NELL1: variants seen among roughly 807,000 people sequenced by gnomAD.
The protein encoded by NELL1 is neural EGFL like 1.
A neutral mutation model predicts 107.4 loss-of-function variants in NELL1; 76 were observed. That is an observed-to-expected ratio of 0.71 (90% CI 0.59 to 0.86). NELL1 has a LOEUF of 0.86. NELL1 is among the 40% of genes least tolerant of loss of function. The probability of loss-of-function intolerance (pLI) is 0.00; values close to 1 mark genes in which losing one functional copy is unlikely to be tolerated. For synonymous variants in NELL1, 353 were observed against 341.2 expected, an observed-to-expected ratio of 1.03 and a Z score of -0.38; for missense variants, 1,024 against 1,005.5, an observed-to-expected ratio of 1.02 and a Z score of -0.25.
rs888028572 is a variant in NELL1 at position 21,136,650 on chromosome 11, G to A, written c.1426+22936G>A. On this transcript the variant is annotated intron_variant, in intron 13 of 19. Coordinates refer to ENST00000357134, the MANE Select transcript of NELL1 (RefSeq NM_006157.5). ...TCATTTGCAAATAATTTGCTACACT[G>A]TATTACTATCTCTAAGTGCAAAAGA... Among the ~76,000 whole-genome samples the A allele has an allele frequency of 2.6e-5, 4 of 152,138 alleles. No individual in the cohort carries two copies. The East Asian group carries it at 7.7e-4, about 29-fold the overall frequency.
At chr11:21,054,128 A>G (rs2134351864) in intron 12 of NELL1, among the ~76,000 whole-genome samples, 1 of 152,298 alleles carries the variant, frequency 6.6e-6, no homozygotes, top group East Asian at 1.9e-4. Context: ...ACCATAGTTA[A>G]CATTTTGATT....
At chr11:21,320,922 G>T (rs1486265377) in intron 14 of NELL1, among the ~76,000 whole-genome samples, 1 of 152,152 alleles carries the variant, frequency 6.6e-6, no homozygotes, top group Non-Finnish European at 1.5e-5. Flanking sequence ...CATTAAGAAA[G>T]AAATGAGAAT....
intron 15 of NELL1, among the ~76,000 whole-genome samples, chr11:21,378,075 C>T (rs1016958297): frequency 1.3e-5 from 2 of 151,814 alleles, no homozygotes; most frequent in East Asian, 1.9e-4. Context: ...TCACCTTAAA[C>T]CTTTGTCGTT....
intron 14 of NELL1, among the ~76,000 whole-genome samples, chr11:21,267,516 A>T (rs1016841343): frequency 1.3e-5 from 2 of 152,042 alleles, no homozygotes; most frequent in Admixed American, 1.3e-4. Flanking sequence ...TGCGAGTATG[A>T]TCTATAAAAA....
chr11:21,565,225 A>C (rs1468581335), intron 17 of NELL1, among the ~76,000 whole-genome samples: 1 of 151,944 alleles, frequency 6.6e-6, no homozygotes, highest in Admixed American at 6.6e-5. Context: ...CCTTGGAAAG[A>C]GGAACTTATT....
At chr11:20,937,753 G>A in intron 9 of NELL1, 33 bp from the exon 10 acceptor site, 3 of 1,553,404 alleles carry the variant, frequency 1.9e-6, no homozygotes, top group Non-Finnish European at 2.7e-6. Flanking sequence ...GGCACAGCAG[G>A]ACTGTCTGAC....
At chr11:21,506,155 G>A (rs1280587382) in intron 15 of NELL1, among the ~76,000 whole-genome samples, 2 of 152,200 alleles carry the variant, frequency 1.3e-5, no homozygotes, top group Non-Finnish European at 2.9e-5. Flanking sequence ...AGCATCCAAT[G>A]TGGGTTGTAT....
Position 21,121,999 on chromosome 11 carries a change from A to G in NELL1, c.1426+8285A>G, listed in dbSNP as rs546987756. On this transcript the variant is annotated intron_variant, in intron 13 of 19. Coordinates refer to ENST00000357134, the MANE Select transcript of NELL1 (RefSeq NM_006157.5). ...TTAGGGAGACTATCAAAGCTCATTT[A>G]CCTTGAAATTTCATGATGAAAATAA... 8.5e-5 allele frequency among the ~76,000 whole-genome samples: 13 copies of G among 152,290 alleles called. No homozygotes were observed. In the East Asian group the frequency reaches 2.3e-3, roughly 27 times the overall value.
At chr11:20,699,746 C>T (rs570851813) in intron 2 of NELL1, among the ~76,000 whole-genome samples, 183 of 152,302 alleles carry the variant, frequency 1.2e-3, no homozygotes, top group African/African-American at 4.3e-3. Flanking sequence ...TATAAACATG[C>T]ATGTGCAAGT....
chr11:21,416,973 G>T (rs1223562529), intron 15 of NELL1, among the ~76,000 whole-genome samples: 1 of 152,012 alleles, frequency 6.6e-6, no homozygotes, highest in African/African-American at 2.4e-5. Flanking sequence ...TTTAGTGGAT[G>T]AGAAAACTGG....
intron 14 of NELL1, among the ~76,000 whole-genome samples, chr11:21,299,511 ATG>A (rs71063696): frequency 0.049 from 6,650 of 136,178 alleles, 207 homozygotes; most frequent in African/African-American, 0.11. Context: ...ATTGTCTTAT[ATG>A]TGTGTGTGTG....
chr11:21,118,416 A>C (rs377338383), intron 13 of NELL1, among the ~76,000 whole-genome samples: 2 of 152,126 alleles, frequency 1.3e-5, no homozygotes, highest in African/African-American at 4.8e-5. Flanking sequence ...TGTGTCCTGA[A>C]AATAAGCTTG....
intron 15 of NELL1, among the ~76,000 whole-genome samples, chr11:21,483,248 C>A (rs1017200253): frequency 1.3e-5 from 2 of 152,148 alleles, no homozygotes; most frequent in Non-Finnish European, 2.9e-5. Context: ...TTAAGCACTT[C>A]AATTGCTCAA....
At chr11:21,505,691 T>A (rs1855261803) in intron 15 of NELL1, among the ~76,000 whole-genome samples, 1 of 152,218 alleles carries the variant, frequency 6.6e-6, no homozygotes, top group Non-Finnish European at 1.5e-5. Context: ...GAGATATCTT[T>A]CCTATGGAAT....
intron 13 of NELL1, among the ~76,000 whole-genome samples, chr11:21,121,471 C>T (rs1018960814): frequency 2.0e-5 from 3 of 152,086 alleles, no homozygotes; most frequent in African/African-American, 4.8e-5. Flanking sequence ...TGCCTGAAAG[C>T]GCCCTAAAGA....
intron 15 of NELL1, among the ~76,000 whole-genome samples, chr11:21,476,141 T>C (rs1297777197): frequency 6.6e-6 from 1 of 152,140 alleles, no homozygotes. Context: ...AGAAAACCAA[T>C]ATCATTTGCA....
intron 2 of NELL1, among the ~76,000 whole-genome samples, chr11:20,728,704 G>A (rs1028105170): frequency 1.3e-5 from 2 of 151,662 alleles, no homozygotes; most frequent in Non-Finnish European, 2.9e-5. Flanking sequence ...TGCTGTTTTG[G>A]TTACTGTAGT....
chr11:20,989,722 G>A (rs961246408), intron 12 of NELL1, among the ~76,000 whole-genome samples: 2 of 152,102 alleles, frequency 1.3e-5, no homozygotes, highest in Non-Finnish European at 2.9e-5. Context: ...GCCGGGTGTG[G>A]TGGCTCACAC....
chr11:21,483,901 A>AT (rs1854555442), intron 15 of NELL1, among the ~76,000 whole-genome samples: 1 of 144,882 alleles, frequency 6.9e-6, no homozygotes, highest in Non-Finnish European at 1.5e-5. Context: ...ATATATATAT[A>AT]AAATATTCCA....
Sources: allele counts gnomAD v4.1 joint callset (sites outside exome capture counted in the v4.1 genomes callset), GRCh38; gene constraint gnomAD v4.1.1; transcripts MANE v1.5; gene names NCBI Gene and HGNC (gene_info 2026-07-23, HGNC 2026-07-21).